The following ARHGEF26 variants were observed in gnomAD, a reference collection of about 807,000 sequenced individuals.
ARHGEF26 encodes Rho guanine nucleotide exchange factor (GEF) 26.
Under a neutral mutation model 89.4 loss-of-function variants are expected in ARHGEF26, and 59 were observed. The observed-to-expected ratio is 0.66, with a 90% CI of 0.54 to 0.82. The LOEUF (loss-of-function observed/expected upper bound fraction) is 0.82, where lower values mean the gene tolerates loss of function less well. ARHGEF26 is among the 40% of genes least tolerant of loss of function. ARHGEF26 has a pLI of 0.00. For missense variants in ARHGEF26, 1,234 were observed against 1,085.6 expected (o/e 1.14, Z -1.92); for synonymous variants, 500 against 428.4 (o/e 1.17, Z -2.06).
intron 7 of ARHGEF26, among the ~76,000 whole-genome samples, chr3:154,190,085 A>G (rs1713856280): frequency 6.6e-6 from 1 of 152,150 alleles, no homozygotes; most frequent in South Asian, 2.1e-4. Context: ...TCATGGGAGT[A>G]CAATATCCAT....
intron 11 of ARHGEF26, among the ~76,000 whole-genome samples, chr3:154,234,650 G>T (rs564527578): frequency 6.6e-6 from 1 of 152,152 alleles, no homozygotes; most frequent in Non-Finnish European, 1.5e-5. Flanking sequence ...AGACATGTCT[G>T]TGTCAACTCG....
chr3:154,199,165 TA>T (rs1375345578), intron 9 of ARHGEF26, among the ~76,000 whole-genome samples: 2 of 151,932 alleles, frequency 1.3e-5, no homozygotes, highest in African/African-American at 4.8e-5. Context: ...TTGTTCATTT[TA>T]TTTTTTTTTT....
In ARHGEF26 at chr3:154,145,093, G is replaced by A. The variant is rs150357947; in HGVS notation, c.1270-4296G>A. Among the ~76,000 whole-genome samples, 173 of 152,284 alleles carry A rather than the reference G, an allele frequency of 1.1e-3. 1 individual carries two copies. Among genetic ancestry groups the A allele is most frequent in the African/African-American group, 4.1e-3 (172 of 41,570 alleles). On this transcript the variant is annotated intron_variant, in intron 4 of 14. Coordinates refer to ENST00000465093, the MANE Select transcript of ARHGEF26 (RefSeq NM_015595.4). ...GCAGCTCCTAGCTAGGAAAAGTGAT[G>A]TCTTAGAACCTTTCCTTGTGGATGT...
At chr3:154,246,183 TTTGAGCC>T (rs1463234608) in intron 12 of ARHGEF26, among the ~76,000 whole-genome samples, 3 of 152,098 alleles carry the variant, frequency 2.0e-5, no homozygotes, top group Admixed American at 6.5e-5. Flanking sequence ...AGAGGTGATA[TTTGAGCC>T]TTGAGTGAAA....
chr3:154,132,334 C>T (rs566378944), intron 4 of ARHGEF26, among the ~76,000 whole-genome samples: 2 of 152,122 alleles, frequency 1.3e-5, no homozygotes, highest in Non-Finnish European at 1.5e-5. Context: ...ACTATTACAG[C>T]GAACCCCTCC....
At chr3:154,150,429 T>TGTGTGTATAAAA (rs1179621773) in intron 5 of ARHGEF26, among the ~76,000 whole-genome samples, 2 of 152,160 alleles carry the variant, frequency 1.3e-5, no homozygotes, top group Non-Finnish European at 1.5e-5. Flanking sequence ...TAAAATTATG[T>TGTGTGTATAAAA]ATAACATACA....
chr3:154,188,588 C>T (rs1434191612), intron 7 of ARHGEF26, among the ~76,000 whole-genome samples: 1 of 152,176 alleles, frequency 6.6e-6, no homozygotes, highest in Non-Finnish European at 1.5e-5. Context: ...TTGTGCACTG[C>T]TGTAAACCCA....
At chr3:154,190,309 C>G (rs1437599867) in intron 7 of ARHGEF26, among the ~76,000 whole-genome samples, 4 of 152,084 alleles carry the variant, frequency 2.6e-5, no homozygotes, top group East Asian at 1.9e-4. Flanking sequence ...GCCAGGAGTT[C>G]GAGACTACCC....
At chr3:154,224,004 A>G (rs1194791512) in intron 10 of ARHGEF26, among the ~76,000 whole-genome samples, 3 of 152,042 alleles carry the variant, frequency 2.0e-5, no homozygotes, top group African/African-American at 7.2e-5. Flanking sequence ...TCTGTGCTCC[A>G]TAGGCACAGA....
chr3:154,233,358 A>G (rs1559916688), intron 11 of ARHGEF26, among the ~76,000 whole-genome samples: 1 of 152,230 alleles, frequency 6.6e-6, no homozygotes, highest in Non-Finnish European at 1.5e-5. Flanking sequence ...ATCCCAGCAA[A>G]GTTTGACTAG....
intron 6 of ARHGEF26, chr3:154,187,281 A>G (rs934953780): frequency 5.4e-5 from 48 of 886,498 alleles, no homozygotes; most frequent in Admixed American, 2.5e-4. Context: ...TCCCCTTCCC[A>G]TAAAGAATTC....
chr3:154,132,147 T>C (rs1718714979), intron 4 of ARHGEF26, among the ~76,000 whole-genome samples: 1 of 152,210 alleles, frequency 6.6e-6, no homozygotes, highest in Non-Finnish European at 1.5e-5. Context: ...CATTTCTTTG[T>C]GCCTTTTGTG....
intron 6 of ARHGEF26, among the ~76,000 whole-genome samples, chr3:154,186,163 A>ACACACACC (rs1302150857): frequency 4.6e-5 from 7 of 150,824 alleles, no homozygotes; most frequent in African/African-American, 1.5e-4. Flanking sequence ...ACACACACAC[A>ACACACACC]CACCCCTATA....
At chr3:154,138,364 G>T (rs1475575671) in intron 4 of ARHGEF26, among the ~76,000 whole-genome samples, 1 of 151,986 alleles carries the variant, frequency 6.6e-6, no homozygotes, top group East Asian at 1.9e-4. Context: ...TTTCCATGTT[G>T]TTAATATCAC....
chr3:154,159,413 AG>A (rs1049550711), intron 6 of ARHGEF26, among the ~76,000 whole-genome samples: 1 of 152,142 alleles, frequency 6.6e-6, no homozygotes, highest in Non-Finnish European at 1.5e-5. Flanking sequence ...TTGTGTCCTG[AG>A]GAACTGAATT....
chr3:154,151,178 C>T (rs1211416634), intron 5 of ARHGEF26, among the ~76,000 whole-genome samples: 1 of 152,148 alleles, frequency 6.6e-6, no homozygotes, highest in Non-Finnish European at 1.5e-5. Context: ...TTGAAACATA[C>T]CTCAAAATTT....
chr3:154,149,241 AT>A (rs1719871388), intron 4 of ARHGEF26, 147 bp from the exon 5 acceptor site: 4 of 405,300 alleles, frequency 9.9e-6, no homozygotes, highest in African/African-American at 9.7e-5. Context: ...CTGTTGATTA[AT>A]TAATAAATTA....
intron 8 of ARHGEF26, among the ~76,000 whole-genome samples, chr3:154,193,058 C>CA (rs1559889485): frequency 1.3e-5 from 2 of 151,920 alleles, no homozygotes; most frequent in African/African-American, 2.4e-5. Context: ...CACAGACCCC[C>CA]CCTTGAGATT....
At chr3:154,123,731 A>G (rs1324743866) in intron 2 of ARHGEF26, among the ~76,000 whole-genome samples, 1 of 152,164 alleles carries the variant, frequency 6.6e-6, no homozygotes, top group Admixed American at 6.5e-5. Flanking sequence ...AGTGCATGTA[A>G]CAGATTGGCA....
Sources: allele counts gnomAD v4.1 joint callset (sites outside exome capture counted in the v4.1 genomes callset), GRCh38; gene constraint gnomAD v4.1.1; transcripts MANE v1.5; gene names NCBI Gene and HGNC (gene_info 2026-07-23, HGNC 2026-07-21).